GALNT9: variants seen among roughly 807,000 people sequenced by gnomAD.
GALNT9 encodes polypeptide N-acetylgalactosaminyltransferase 9.
Under a neutral mutation model 63.1 loss-of-function variants are expected in GALNT9, and 47 were observed. The ratio of observed to expected loss-of-function variants is 0.75; its 90% CI spans 0.59 to 0.95. GALNT9 has a LOEUF of 0.95. Ranked by LOEUF, GALNT9 falls within the 40% of genes least tolerant of loss-of-function variation. GALNT9 has a pLI of 0.00. For synonymous variants in GALNT9, 396 were observed against 365.7 expected (o/e 1.08, Z -0.94); for missense variants, 829 against 874.8 (o/e 0.95, Z 0.66).
chr12:132,322,918 G>A (rs1159660603), intron 1 of GALNT9, among the ~76,000 whole-genome samples: 10 of 152,306 alleles, frequency 6.6e-5, no homozygotes, highest in Admixed American at 1.3e-4. Context: ...GGCGGCCATC[G>A]CTCTCCTGGC....
rs1192304774 is a variant in GALNT9 at position 132,316,143 on chromosome 12, G to T, written c.238+12823C>A. Among the ~76,000 whole-genome samples, 2 of 152,100 alleles carry T rather than the reference G, an allele frequency of 1.3e-5. No homozygotes were observed. The highest frequency in any genetic ancestry group is 4.8e-5 in the African/African-American group (2 of 41,400). ...AGGCAGGCAGAGGCAGGAGCTGGCC[G>T]CGGGCTGGGAGGCGACCCCACAGAC... On this transcript the variant is annotated intron_variant, in intron 1 of 10. Coordinates refer to ENST00000328957, the MANE Select transcript of GALNT9 (RefSeq NM_001122636.2). The surrounding 1 kb of genome is among the most constrained non-coding windows in gnomAD (Gnocchi z 4.3).
chr12:132,282,402 C>T lies in GALNT9; in HGVS notation c.419+3848G>A, dbSNP rs115186460. On this transcript the variant is annotated intron_variant, in intron 2 of 10. Coordinates refer to ENST00000328957, the MANE Select transcript of GALNT9 (RefSeq NM_001122636.2). This position sits in a 1 kb window ranked among gnomAD's most constrained non-coding sequence, Gnocchi z 4.5. The stretch of plus-strand genomic sequence containing the variant: ...AGAAAAAACTAAAAATACGTGTGTG[C>T]GCGTGTGTGCGTGTGTGTGCGTGTG... 4.7e-3 allele frequency among the ~76,000 whole-genome samples: 703 copies of T among 150,086 alleles called. 10 individuals carry two copies. Among genetic ancestry groups the T allele is most frequent in the African/African-American group, 0.016 (645 of 40,022 alleles).
chr12:132,227,230 G>A (rs1430868998), intron 6 of GALNT9, among the ~76,000 whole-genome samples: 2 of 152,172 alleles, frequency 1.3e-5, no homozygotes, highest in Non-Finnish European at 2.9e-5. Context: ...CAGATGGAAC[G>A]GAGGCACCGA....
chr12:132,203,597 A>G lies in GALNT9; in HGVS notation c.1171T>C (p.Tyr391His). ...CGCAGGGCGTTGCGCTTGGCATAGT[A>G]GTCAATGTCGTTGTTGTAGGGCTTC... The part of the protein sequence containing the change: ...TRKPYNNDID[Y>H]YAKRNALRAA... The change falls in exon 7 of 11, where the codon TAC becomes CAC. Residue 391 changes from tyrosine to histidine, a missense_variant. Tyr to His is a moderately conservative substitution (Grantham distance 83). Transcript: ENST00000328957. The G allele has an allele frequency of 6.2e-7, 1 of 1,613,928 alleles. No individual in the cohort carries two copies. Among genetic ancestry groups the G allele is most frequent in the East Asian group, 2.2e-5 (1 of 44,872 alleles).
In GALNT9 at chr12:132,328,935, G is replaced by A. The variant is rs1555246702; in HGVS notation, c.238+31C>T. The A allele has an allele frequency of 2.0e-6, 3 of 1,491,704 alleles. No individual in the cohort carries two copies. In the Admixed American group the frequency reaches 6.2e-5, roughly 31 times the overall value. The allele number at this position is 1,491,704 out of a possible 1,614,324, so 92.4% of individuals were successfully genotyped here. A position where few individuals can be genotyped will look rare whatever the true frequency, so the allele number is the denominator to read the frequency against. On this transcript the variant is annotated intron_variant, in intron 1 of 10. Coordinates refer to ENST00000328957, the MANE Select transcript of GALNT9 (RefSeq NM_001122636.2). ...GGTGGCCACTGTCCCGGGCAGGGCT[G>A]CCCCCACTCCGCCCCGGCGCCCCCG...
chr12:132,269,200 C>T (rs1272283173), intron 2 of GALNT9, among the ~76,000 whole-genome samples: 1 of 152,090 alleles, frequency 6.6e-6, no homozygotes, highest in African/African-American at 2.4e-5. Context: ...CAGGGGGAGG[C>T]GTCGGGAGGC....
intron 1 of GALNT9, among the ~76,000 whole-genome samples, chr12:132,291,444 G>A (rs1257059581): frequency 1.1e-4 from 9 of 83,738 alleles, no homozygotes; most frequent in East Asian, 3.9e-4. Context: ...CAGCGCCCAC[G>A]TCCACATCAC....
chr12:132,289,338 T>C (rs1015689867), intron 1 of GALNT9, among the ~76,000 whole-genome samples: 7 of 152,202 alleles, frequency 4.6e-5, no homozygotes, highest in African/African-American at 1.7e-4. Context: ...AGCCTGTCCA[T>C]TGAATTGGTT....
intron 2 of GALNT9, among the ~76,000 whole-genome samples, chr12:132,284,867 G>A (rs533144901): frequency 6.6e-6 from 1 of 152,310 alleles, no homozygotes; most frequent in South Asian, 2.1e-4. Flanking sequence ...CACGCAGCCC[G>A]GGGCGCTCCC....
rs915708020 is a variant in GALNT9 at position 132,226,828 on chromosome 12, C to A, written c.1077+21082G>T. Among the ~76,000 whole-genome samples, 4 of 149,326 alleles carry A rather than the reference C, an allele frequency of 2.7e-5. No individual in the cohort carries two copies. In the East Asian group the frequency reaches 8.0e-4, roughly 30 times the overall value. ...CACCCACACACATCCCATAAACACA[C>A]CCCACACACACCATATACACACCCC... On this transcript the variant is annotated intron_variant, in intron 6 of 10. Transcript: ENST00000328957.
intron 1 of GALNT9, among the ~76,000 whole-genome samples, chr12:132,309,922 C>T (rs1015182498): frequency 6.6e-6 from 1 of 152,238 alleles, no homozygotes; most frequent in Non-Finnish European, 1.5e-5. Flanking sequence ...TGCTTGATGG[C>T]AGCGGGCGCA....
intron 6 of GALNT9, among the ~76,000 whole-genome samples, chr12:132,210,091 G>A (rs1384710489): frequency 1.3e-5 from 2 of 152,168 alleles, no homozygotes; most frequent in Non-Finnish European, 2.9e-5. Context: ...AGGCTGAGGG[G>A]CCGTCACTAA....
intron 5 of GALNT9, among the ~76,000 whole-genome samples, chr12:132,248,257 C>T (rs532904043): frequency 6.4e-4 from 98 of 152,346 alleles, no homozygotes; most frequent in Admixed American, 1.5e-3. Flanking sequence ...CGTCCAAATG[C>T]TGAATGCCAA....
At chr12:132,288,518 G>A (rs185305677) in intron 1 of GALNT9, among the ~76,000 whole-genome samples, 74 of 152,278 alleles carry the variant, frequency 4.9e-4, no homozygotes, top group East Asian at 3.9e-3. Context: ...CTTCTAACTC[G>A]AGAGAGAGAG....
chr12:132,199,197 G>T lies in GALNT9; in HGVS notation c.1474C>A (p.Pro492Thr). Residue 492 changes from proline (P) to threonine (T), a missense_variant, in exon 9 of 11, where the codon CCC (proline) becomes ACC (threonine). Transcript: ENST00000328957. ...ACCTGGGAGGACATCCCGTGGCAGG[G>T]GTAGAGGATCGCCCGGTCGCCGTCC... ...AEDGDRAILY[P>T]CHGMSSQLVR... 6.2e-7 allele frequency: 1 copy of T among 1,602,770 alleles called. No homozygotes were observed. Among genetic ancestry groups the T allele is most frequent in the Non-Finnish European group, 8.5e-7 (1 of 1,178,302 alleles).
Position 132,203,623 on chromosome 12 carries a change from C to T in GALNT9, c.1145G>A (p.Arg382Lys). 1 of 1,613,890 alleles carries T rather than the reference C, an allele frequency of 6.2e-7. No individual in the cohort carries two copies. Among genetic ancestry groups the T allele is most frequent in the South Asian group, 1.1e-5 (1 of 91,084 alleles). Residue 382 changes from arginine to lysine, a missense_variant, in exon 7 of 11, where the codon AGG becomes AAG. By Grantham distance (26) the Arg-to-Lys change is conservative. Coordinates refer to ENST00000328957, the MANE Select transcript of GALNT9 (RefSeq NM_001122636.2). ...CSRVAHIERT[R>K]KPYNNDIDYY... ...GTCAATGTCGTTGTTGTAGGGCTTC[C>T]TGGTGCGCTCGATGTGGGCCACGCG...
rs961631290 is a variant in GALNT9 at position 132,196,550 on chromosome 12, C to T, written c.*557G>A. 44 of 986,240 alleles carry T rather than the reference C, an allele frequency of 4.5e-5. No homozygotes were observed. Among genetic ancestry groups the T allele is most frequent in the East Asian group, 1.1e-4 (1 of 8,840 alleles). The allele number at this position is 986,240 out of a possible 1,614,324, so 61.1% of individuals were successfully genotyped here. On this transcript the variant is annotated 3_prime_UTR_variant, in exon 11 of 11. Transcript: ENST00000328957. ...TTTATTTGGTCTCTGCTGAAGCAGT[C>T]GTGCCAGCCTCCTAGACACGGCCTC...
chr12:132,254,030 T>C (rs1555238819), intron 5 of GALNT9, among the ~76,000 whole-genome samples: 1 of 152,144 alleles, frequency 6.6e-6, no homozygotes, highest in African/African-American at 2.4e-5. Context: ...TTTTTCTTTT[T>C]TTTTTTTTTA....
At chr12:132,197,679 CT>C (rs1875621037) in intron 10 of GALNT9, 112 bp downstream of exon 10, 4 of 809,730 alleles carry the variant, frequency 4.9e-6, no homozygotes, top group Non-Finnish European at 7.9e-6. Context: ...TGACCACCCC[CT>C]GCCGCACTCC....
Sources: gnomAD v4.1 joint callset for allele counts (sites outside exome capture counted in the v4.1 genomes callset) on GRCh38, gnomAD v4.1.1 for gene constraint, Gnocchi (gnomAD v3.1) non-coding constraint, MANE v1.5 for transcripts, NCBI Gene and HGNC (gene_info 2026-07-23, HGNC 2026-07-21) for gene names.